DCDC2C: variants seen among roughly 807,000 people sequenced by gnomAD.
DCDC2C encodes the protein doublecortin domain-containing protein 2C.
In DCDC2C, 44 loss-of-function variants were observed where a neutral mutation model predicts 45.0. The ratio of observed to expected loss-of-function variants is 0.98; its 90% CI spans 0.77 to 1.26. The LOEUF is 1.26. DCDC2C is among the 50% of genes most tolerant of loss of function. The pLI is 0.00. For missense variants in DCDC2C, 447 were observed against 468.9 expected (o/e 0.95, Z 0.43); for synonymous variants, 187 against 178.8 (o/e 1.05, Z -0.37).
chr2:3,809,819 C>T (rs1273750430), intron 10 of DCDC2C, among the ~76,000 whole-genome samples: 2 of 152,126 alleles, frequency 1.3e-5, no homozygotes, highest in Non-Finnish European at 2.9e-5. Flanking sequence ...GTTCAACTCC[C>T]ACTTATGAGT....
chr2:3,774,939 G>C (rs570406454), intron 8 of DCDC2C, among the ~76,000 whole-genome samples: 1 of 152,036 alleles, frequency 6.6e-6, no homozygotes, highest in East Asian at 1.9e-4. Context: ...CTAATTGTTT[G>C]TATTTAGTAG....
chr2:3,728,729 T>C (rs1055497773), intron 3 of DCDC2C, among the ~76,000 whole-genome samples: 14 of 152,114 alleles, frequency 9.2e-5, no homozygotes, highest in Non-Finnish European at 1.6e-4. Context: ...ACATAAACAG[T>C]AGTTATGACG....
chr2:3,794,431 T>C (rs1249578517), intron 10 of DCDC2C, among the ~76,000 whole-genome samples: 2 of 152,202 alleles, frequency 1.3e-5, no homozygotes, highest in Non-Finnish European at 2.9e-5. Flanking sequence ...TAGTTACATA[T>C]GTATACATGT....
intron 6 of DCDC2C, among the ~76,000 whole-genome samples, chr2:3,755,722 C>T (rs1669692444): frequency 6.6e-6 from 1 of 150,870 alleles, no homozygotes; most frequent in African/African-American, 2.4e-5. Flanking sequence ...ATGTTGCCTG[C>T]ATATGTTGTA....
Position 3,763,339 on chromosome 2 carries a change from C to T in DCDC2C, c.727-4415C>T, listed in dbSNP as rs532777345. On this transcript the variant is annotated intron_variant, in intron 6 of 10. Coordinates refer to ENST00000399143, the MANE Select transcript of DCDC2C (RefSeq NM_001287444.2). ...GACCACACAGCTGACGTGGTGGGCC[C>T]GCGACCCAGCGCTGGTGAGCGCGGC... 2.1e-3 allele frequency among the ~76,000 whole-genome samples: 321 copies of T among 152,272 alleles called. 1 individual carries two copies. Among genetic ancestry groups the T allele is most frequent in the African/African-American group, 7.4e-3 (308 of 41,570 alleles).
chr2:3,741,854 T>C (rs1669220190), intron 3 of DCDC2C, 66 bp from the exon 4 acceptor site: 3 of 1,459,738 alleles, frequency 2.1e-6, no homozygotes, highest in Admixed American at 2.3e-5. Flanking sequence ...GTATATATAT[T>C]GAATTTTCAA....
chr2:3,708,001 C>T (rs1404489839), intron 1 of DCDC2C, among the ~76,000 whole-genome samples: 1 of 152,046 alleles, frequency 6.6e-6, no homozygotes, highest in Non-Finnish European at 1.5e-5. Context: ...ATATGGAAGT[C>T]TCAAAAGTCC....
At chr2:3,812,452 G>T (rs1671423459) in intron 10 of DCDC2C, among the ~76,000 whole-genome samples, 1 of 151,856 alleles carries the variant, frequency 6.6e-6, no homozygotes, top group Non-Finnish European at 1.5e-5. Context: ...TTTTTATTGT[G>T]TCTATTTGAT....
At position 3,791,721 on chromosome 2, in the gene DCDC2C, A is replaced by G. The variant is rs1670815856; in HGVS notation, c.1065+6621A>G. Among the ~76,000 whole-genome samples, 3 of 152,144 alleles carry G rather than the reference A, an allele frequency of 2.0e-5. No homozygotes were observed. The South Asian group carries it at 6.2e-4, about 32-fold the overall frequency. ...ACCTCTCCAGCACTGTGTTGTTTGC[A>G]GTGGCCTGGGTGCCATGCCAAGGCT... On this transcript the variant is annotated intron_variant, in intron 10 of 10. Coordinates refer to ENST00000399143, the MANE Select transcript of DCDC2C (RefSeq NM_001287444.2).
Position 3,817,684 on chromosome 2 carries a change from T to C in DCDC2C, c.1066-29470T>C, listed in dbSNP as rs182028657. ...GGCTACAGGGTGCAGTCCTGGCTCT[T>C]GTGTAACAATTCCAACCACACAGCC... On this transcript the variant is annotated intron_variant, in intron 10 of 10. Transcript: ENST00000399143. Among the ~76,000 whole-genome samples, 232 of 152,272 alleles carry C rather than the reference T, an allele frequency of 1.5e-3. 1 individual carries two copies. The highest frequency in any genetic ancestry group is 2.9e-4 in the Non-Finnish European group (20 of 68,018).
intron 10 of DCDC2C, 33 bp from the exon 11 acceptor site, chr2:3,847,121 T>G: frequency 8.1e-7 from 1 of 1,229,894 alleles, no homozygotes. Flanking sequence ...CTTGAAGATG[T>G]TCTCTGTTAA....
chr2:3,769,516 C>A, intron 8 of DCDC2C, 105 bp downstream of exon 8: 3 of 1,013,362 alleles, frequency 3.0e-6, no homozygotes, highest in Non-Finnish European at 4.4e-6. Flanking sequence ...TCTCTCTGGA[C>A]TCTAGAATGT....
At chr2:3,820,087 G>A (rs1671650311) in intron 10 of DCDC2C, among the ~76,000 whole-genome samples, 1 of 152,292 alleles carries the variant, frequency 6.6e-6, no homozygotes, top group Admixed American at 6.5e-5. Context: ...GGGATGAGTT[G>A]CATTGGGAGC....
At chr2:3,747,734 A>G (rs1264031658) in intron 4 of DCDC2C, among the ~76,000 whole-genome samples, 1 of 152,188 alleles carries the variant, frequency 6.6e-6, no homozygotes, top group Non-Finnish European at 1.5e-5. Context: ...ATATTTATTG[A>G]GAGCTTGAGG....
intron 3 of DCDC2C, among the ~76,000 whole-genome samples, chr2:3,729,033 G>A (rs1284575121): frequency 6.6e-6 from 1 of 152,238 alleles, no homozygotes; most frequent in African/African-American, 2.4e-5. Context: ...TCTCTCTGAT[G>A]TCCCTTGTCA....
At chr2:3,797,768 C>G (rs1263896271) in intron 10 of DCDC2C, among the ~76,000 whole-genome samples, 1 of 151,836 alleles carries the variant, frequency 6.6e-6, no homozygotes, top group African/African-American at 2.4e-5. Context: ...TTTACATTTG[C>G]TGAGGAGAGC....
intron 8 of DCDC2C, among the ~76,000 whole-genome samples, chr2:3,776,417 G>A (rs371906904): frequency 2.0e-5 from 3 of 152,032 alleles, no homozygotes; most frequent in Non-Finnish European, 2.9e-5. Flanking sequence ...CAGCTCTTCC[G>A]CTCTGTGCCA....
chr2:3,808,853 GT>G (rs1390079352), intron 10 of DCDC2C, among the ~76,000 whole-genome samples: 38 of 152,134 alleles, frequency 2.5e-4, no homozygotes, highest in East Asian at 1.5e-3. Context: ...ATTTTCTACT[GT>G]TTTATTTTGG....
At position 3,797,896 on chromosome 2, in the gene DCDC2C, C is replaced by T. The variant is rs1250040706; in HGVS notation, c.1065+12796C>T. 2.7e-5 allele frequency among the ~76,000 whole-genome samples: 4 copies of T among 147,696 alleles called. 1 individual carries two copies. Among genetic ancestry groups the T allele is most frequent in the Admixed American group, 6.9e-5 (1 of 14,526 alleles). On this transcript the variant is annotated intron_variant, in intron 10 of 10. Transcript: ENST00000399143. ...AGATGTCTATTAGGTCCGCTCAGTC[C>T]AGAGCTGAGTTCAATTCCTGGGTAT...
Sources: gnomAD v4.1 joint callset for allele counts (sites outside exome capture counted in the v4.1 genomes callset) on GRCh38, gnomAD v4.1.1 for gene constraint, MANE v1.5 for transcripts, NCBI Gene and HGNC (gene_info 2026-07-23, HGNC 2026-07-21) for gene names.